MCC: variants seen among roughly 807,000 people sequenced by gnomAD.
The protein encoded by MCC is colorectal mutant cancer protein.
In MCC, 90 loss-of-function variants were observed where a neutral mutation model predicts 116.2. The ratio of observed to expected loss-of-function variants is 0.77; its 90% CI spans 0.65 to 0.92. The LOEUF (loss-of-function observed/expected upper bound fraction) is 0.92. Ranked by LOEUF, MCC falls within the 40% of genes least tolerant of loss-of-function variation. The pLI, the probability that MCC is intolerant of heterozygous loss-of-function variation, is 0.00. For missense variants in MCC, 1,516 were observed against 1,312.2 expected (o/e 1.16, Z -2.40); for synonymous variants, 578 against 510.5 (o/e 1.13, Z -1.78).
chr5:113,186,110 C>T (rs1326520459), intron 3 of MCC, among the ~76,000 whole-genome samples: 2 of 152,014 alleles, frequency 1.3e-5, no homozygotes, highest in Admixed American at 1.3e-4. Flanking sequence ...CATAGAGGTC[C>T]CTGGGATTTC....
At chr5:113,337,234 G>A (rs1442042958) in intron 3 of MCC, among the ~76,000 whole-genome samples, 1 of 152,130 alleles carries the variant, frequency 6.6e-6, no homozygotes, top group African/African-American at 2.4e-5. Context: ...TTTTCAGTGG[G>A]TTTGCCACCA....
chr5:113,118,447 C>T (rs1207674600), intron 6 of MCC, among the ~76,000 whole-genome samples: 11 of 152,272 alleles, frequency 7.2e-5, no homozygotes, highest in South Asian at 2.1e-4. Context: ...TTAATTGGAT[C>T]GTTTATTCCT....
At chr5:113,096,019 T>C (rs1041256280) in intron 8 of MCC, among the ~76,000 whole-genome samples, 4 of 152,168 alleles carry the variant, frequency 2.6e-5, no homozygotes, top group Admixed American at 6.5e-5. Flanking sequence ...GGGGTGCCTG[T>C]ACCCTGGTGG....
intron 3 of MCC, among the ~76,000 whole-genome samples, chr5:113,335,051 A>T (rs1304911660): frequency 1.3e-5 from 2 of 151,768 alleles, no homozygotes; most frequent in Non-Finnish European, 2.9e-5. Flanking sequence ...TTGACTCTGA[A>T]CAATGCCCAG....
At chr5:113,164,038 AG>A (rs1379441343) in intron 3 of MCC, among the ~76,000 whole-genome samples, 12 of 152,172 alleles carry the variant, frequency 7.9e-5, no homozygotes, top group Non-Finnish European at 1.6e-4. Context: ...CTATTTACAA[AG>A]TCTTATGAAG....
intron 8 of MCC, among the ~76,000 whole-genome samples, chr5:113,090,260 C>T (rs1040607589): frequency 1.3e-5 from 2 of 150,798 alleles, no homozygotes; most frequent in South Asian, 2.1e-4. Context: ...GGGGAAGATG[C>T]GAAACAGGGA....
chr5:113,194,593 G>C (rs1225383223), intron 3 of MCC, among the ~76,000 whole-genome samples: 1 of 152,114 alleles, frequency 6.6e-6, no homozygotes, highest in Admixed American at 6.5e-5. Context: ...AAGAGTTGGA[G>C]GCTGCAGCGA....
intron 3 of MCC, among the ~76,000 whole-genome samples, chr5:113,201,971 C>T (rs1246676797): frequency 6.6e-6 from 1 of 152,174 alleles, no homozygotes; most frequent in Non-Finnish European, 1.5e-5. Flanking sequence ...GACCCCACAA[C>T]CCCATTTTCA....
At chr5:113,033,684 A>T (rs1457733201) in intron 17 of MCC, among the ~76,000 whole-genome samples, 3 of 152,200 alleles carry the variant, frequency 2.0e-5, no homozygotes. Context: ...GAAATACATA[A>T]TCCATTCCTT....
At chr5:113,029,710 C>T (rs1047176318) in intron 17 of MCC, among the ~76,000 whole-genome samples, 3 of 152,180 alleles carry the variant, frequency 2.0e-5, no homozygotes, top group African/African-American at 7.2e-5. Flanking sequence ...GGGAGGTTTC[C>T]AGTATCCAGT....
intron 3 of MCC, among the ~76,000 whole-genome samples, chr5:113,277,883 G>A (rs889263843): frequency 1.3e-5 from 2 of 152,162 alleles, no homozygotes; most frequent in East Asian, 1.9e-4. Flanking sequence ...ACCTGTCTCT[G>A]AGCCTTATTA....
chr5:113,460,065 G>A (rs1050213837), intron 1 of MCC, among the ~76,000 whole-genome samples: 2 of 152,180 alleles, frequency 1.3e-5, no homozygotes, highest in African/African-American at 2.4e-5. Flanking sequence ...CCTAAGAAGA[G>A]TCCCTTGTAT....
chr5:113,313,888 A>AGTG (rs540919186), intron 3 of MCC, among the ~76,000 whole-genome samples: 250 of 152,132 alleles, frequency 1.6e-3, no homozygotes, highest in African/African-American at 5.7e-3. Context: ...TGGTGTGATC[A>AGTG]CAGCTCACTG....
At chr5:113,108,331 T>TAAAAAAAAAAA (rs56780207) in intron 6 of MCC, among the ~76,000 whole-genome samples, 1 of 42,768 alleles carries the variant, frequency 2.3e-5, no homozygotes, top group African/African-American at 7.6e-5. Context: ...CACTCTATCT[T>TAAAAAAAAAAA]AAAAAAAAAA....
At chr5:113,029,204 C>T (rs546086525) in intron 17 of MCC, 148 bp from the exon 18 acceptor site, 158 of 600,706 alleles carry the variant, frequency 2.6e-4, no homozygotes, top group Middle Eastern at 1.6e-3. Context: ...GGCCCAACAG[C>T]GCTACTGTCA....
rs751937971 is a variant in MCC, at chr5:113,202,780, C to A, written c.628-51358G>T. ...GCCCCAATGCAGATGAAAGTTTGCC[C>A]TTTATTTAAAAAAAAAAAAAAAAAC... On this transcript the variant is annotated intron_variant, in intron 3 of 18. Coordinates refer to ENST00000408903, the MANE Select transcript of MCC (RefSeq NM_001085377.2). Among the ~76,000 whole-genome samples the A allele has an allele frequency of 6.1e-3, 555 of 91,360 alleles. 3 individuals carry two copies. Among genetic ancestry groups the A allele is most frequent in the African/African-American group, 0.016 (440 of 28,132 alleles). The allele number at this position is 91,360 out of a possible 152,430, so 59.9% of individuals were successfully genotyped here. A position where few individuals can be genotyped will look rare whatever the true frequency, so the allele number is the denominator to read the frequency against.
chr5:113,228,832 A>G (rs1199356568), intron 3 of MCC, among the ~76,000 whole-genome samples: 1 of 152,196 alleles, frequency 6.6e-6, no homozygotes, highest in Non-Finnish European at 1.5e-5. Context: ...ACACGCTCAT[A>G]GCTTAGCTGT....
intron 3 of MCC, among the ~76,000 whole-genome samples, chr5:113,193,860 A>G (rs1036763273): frequency 2.0e-5 from 3 of 151,760 alleles, no homozygotes; most frequent in Non-Finnish European, 4.4e-5. Context: ...TCCTCCTCTC[A>G]TTTGTTTTTT....
At chr5:113,082,188 T>C (rs1408615854) in intron 11 of MCC, among the ~76,000 whole-genome samples, 1 of 152,222 alleles carries the variant, frequency 6.6e-6, no homozygotes, top group Non-Finnish European at 1.5e-5. Flanking sequence ...TTTGTAAGAC[T>C]TGAAAAGAAT....
Sources: allele counts gnomAD v4.1 joint callset (sites outside exome capture counted in the v4.1 genomes callset), GRCh38; gene constraint gnomAD v4.1.1; transcripts MANE v1.5; gene names NCBI Gene and HGNC (gene_info 2026-07-23, HGNC 2026-07-21).